PTPN14: variants seen among roughly 807,000 people sequenced by gnomAD.
PTPN14 encodes tyrosine-protein phosphatase non-receptor type 14.
PTPN14 carries 53 observed loss-of-function variants against 126.8 expected under a neutral mutation model. That is an observed-to-expected ratio of 0.42 (90% CI 0.34 to 0.53). PTPN14 has a LOEUF of 0.53. Ranked by LOEUF, PTPN14 falls within the 20% of genes least tolerant of loss-of-function variation. The pLI is 0.08. For synonymous variants in PTPN14, 630 were observed against 599.3 expected (o/e 1.05, Z -0.75); for missense variants, 1,257 against 1,552.9 (o/e 0.81, Z 3.20).
At chr1:214,527,302 T>A (rs1655424803) in intron 1 of PTPN14, among the ~76,000 whole-genome samples, 1 of 152,182 alleles carries the variant, frequency 6.6e-6, no homozygotes, top group Non-Finnish European at 1.5e-5. Flanking sequence ...GCTCTCCCTG[T>A]TCCAGAACTT....
At chr1:214,466,330 C>T (rs892263805) in intron 1 of PTPN14, among the ~76,000 whole-genome samples, 1 of 151,644 alleles carries the variant, frequency 6.6e-6, no homozygotes, top group Non-Finnish European at 1.5e-5. Flanking sequence ...AAAATCACAA[C>T]TCTTTGTCCT....
At chr1:214,520,940 C>T (rs2102456790) in intron 1 of PTPN14, among the ~76,000 whole-genome samples, 1 of 152,146 alleles carries the variant, frequency 6.6e-6, no homozygotes, top group Middle Eastern at 3.4e-3. Context: ...TTTAAAGAAG[C>T]TAAAATTGCC....
At chr1:214,550,402 G>A (rs914607685) in intron 1 of PTPN14, among the ~76,000 whole-genome samples, 3 of 152,192 alleles carry the variant, frequency 2.0e-5, no homozygotes, top group Admixed American at 6.5e-5. Flanking sequence ...AGGTGGGGAT[G>A]AGAAGGTTGG....
intron 13 of PTPN14, among the ~76,000 whole-genome samples, chr1:214,381,272 G>C (rs962481683): frequency 6.6e-6 from 1 of 152,166 alleles, no homozygotes; most frequent in Non-Finnish European, 1.5e-5. Context: ...GTATCAAGTT[G>C]GCAGGGGAAA....
At chr1:214,413,080 T>C (rs1659345700) in intron 4 of PTPN14, among the ~76,000 whole-genome samples, 2 of 152,194 alleles carry the variant, frequency 1.3e-5, no homozygotes, top group South Asian at 4.1e-4. Flanking sequence ...TCTCGTTTTG[T>C]TGCCCAGGGT....
chr1:214,457,992 CATCTATATCTATATCTATATCTAT>C (rs58773276), intron 2 of PTPN14, among the ~76,000 whole-genome samples: 18 of 150,198 alleles, frequency 1.2e-4, no homozygotes, highest in East Asian at 1.2e-3. Context: ...ATCACAGTTT[CATCTATATCTATATCTATATCTAT>C]ATCTATATCT....
chr1:214,507,245 T>G (rs1324076265), intron 1 of PTPN14, among the ~76,000 whole-genome samples: 1 of 152,200 alleles, frequency 6.6e-6, no homozygotes, highest in Non-Finnish European at 1.5e-5. Context: ...TAGGTGTATC[T>G]CTGGCATGTT....
At chr1:214,545,282 G>A (rs1257307508) in intron 1 of PTPN14, among the ~76,000 whole-genome samples, 1 of 152,198 alleles carries the variant, frequency 6.6e-6, no homozygotes, top group Non-Finnish European at 1.5e-5. Flanking sequence ...TTGGCTCACA[G>A]TTCTGGAGGC....
At chr1:214,533,472 G>A (rs941163739) in intron 1 of PTPN14, 6 of 469,394 alleles carry the variant, frequency 1.3e-5, no homozygotes, top group Admixed American at 3.0e-5. Flanking sequence ...GAGACATTAA[G>A]CCAGCAGAAG....
intron 3 of PTPN14, among the ~76,000 whole-genome samples, chr1:214,424,515 G>A (rs557388348): frequency 6.6e-6 from 1 of 151,510 alleles, no homozygotes; most frequent in Admixed American, 6.6e-5. Flanking sequence ...AATTGAGTGG[G>A]ACACCCCACT....
chr1:214,411,231 C>A (rs1659302629), intron 5 of PTPN14, among the ~76,000 whole-genome samples: 1 of 151,978 alleles, frequency 6.6e-6, no homozygotes, highest in Non-Finnish European at 1.5e-5. Flanking sequence ...CCAACTCTCA[C>A]TACTTCTATT....
At chr1:214,380,530 G>C (rs1295425834) in intron 13 of PTPN14, among the ~76,000 whole-genome samples, 1 of 152,194 alleles carries the variant, frequency 6.6e-6, no homozygotes, top group Non-Finnish European at 1.5e-5. Context: ...GGAAGCAGTA[G>C]GAGCCAGAAT....
intron 1 of PTPN14, among the ~76,000 whole-genome samples, chr1:214,486,275 A>G (rs1410012008): frequency 6.6e-6 from 1 of 152,202 alleles, no homozygotes; most frequent in Admixed American, 6.5e-5. Context: ...AACTCTGTAG[A>G]GGCATTATCC....
rs919961594 is a variant in PTPN14 at position 214,357,789 on chromosome 1, G to C, written c.*133C>G. The C allele has an allele frequency of 7.8e-6, 5 of 638,338 alleles. No homozygotes were observed. The highest frequency in any genetic ancestry group is 5.9e-5 in the Admixed American group (2 of 33,936). 39.5% of individuals were successfully genotyped at this position (638,338 alleles called of 1,614,324 possible). A position where few individuals can be genotyped will look rare whatever the true frequency, so the allele number is the denominator to read the frequency against. ...ATACATGGTATGTGTGAATAATCTT[G>C]GCTACTGTCTTCAGAGAGCCTGTTT... On this transcript the variant is annotated 3_prime_UTR_variant, in exon 19 of 19. Transcript: ENST00000366956.
At chr1:214,427,903 T>C (rs1429134115) in intron 3 of PTPN14, among the ~76,000 whole-genome samples, 2 of 152,116 alleles carry the variant, frequency 1.3e-5, no homozygotes, top group Non-Finnish European at 2.9e-5. Context: ...CATTCATGAA[T>C]GTTCAAGAGG....
At chr1:214,406,406 A>G (rs1249629622) in intron 5 of PTPN14, among the ~76,000 whole-genome samples, 1 of 151,708 alleles carries the variant, frequency 6.6e-6, no homozygotes. Context: ...GCTTGAACCC[A>G]GGAGGCGGAG....
At chr1:214,485,812 G>T (rs1018879212) in intron 1 of PTPN14, among the ~76,000 whole-genome samples, 1 of 151,686 alleles carries the variant, frequency 6.6e-6, no homozygotes, top group Non-Finnish European at 1.5e-5. Context: ...TGCAAGCTCC[G>T]CCTCCCGGGT....
chr1:214,467,875 G>T (rs1660675374), intron 1 of PTPN14, among the ~76,000 whole-genome samples: 1 of 152,090 alleles, frequency 6.6e-6, no homozygotes, highest in African/African-American at 2.4e-5. Flanking sequence ...GCAAGATACG[G>T]TATCAACAAA....
intron 1 of PTPN14, among the ~76,000 whole-genome samples, chr1:214,540,243 G>T (rs1180238272): frequency 1.3e-5 from 2 of 152,092 alleles, no homozygotes; most frequent in East Asian, 3.9e-4. Flanking sequence ...TTGAAGACTT[G>T]CTTATGTGTC....
Sources: gnomAD v4.1 joint callset for allele counts (sites outside exome capture counted in the v4.1 genomes callset) on GRCh38, gnomAD v4.1.1 for gene constraint, MANE v1.5 for transcripts, NCBI Gene and HGNC (gene_info 2026-07-23, HGNC 2026-07-21) for gene names.